The following EDA variants were observed in gnomAD, a reference collection of about 807,000 sequenced individuals.
The protein encoded by EDA is ectodysplasin A, also known as ectodysplasin-A.
In EDA, 2 loss-of-function variants were observed where a neutral mutation model predicts 23.6. The observed-to-expected ratio is 0.08, with a 90% confidence interval of 0.03 to 0.27. The LOEUF is 0.27. Ranked by LOEUF, EDA falls within the 10% of genes least tolerant of loss-of-function variation. The pLI, the probability that EDA is intolerant of heterozygous loss-of-function variation, is 1.00. For synonymous variants in EDA, 131 were observed against 132.0 expected, an observed-to-expected ratio of 0.99 and a Z score of 0.05; for missense variants, 229 against 324.2, an observed-to-expected ratio of 0.71 and a Z score of 2.26.
chrX:69,674,027 C>G (rs1933995620), intron 1 of EDA, among the ~76,000 whole-genome samples: 1 of 111,667 alleles, frequency 9.0e-6, no homozygotes, highest in African/African-American at 3.3e-5. Context: ...TCTTCCTTTC[C>G]TTGCTATAAA....
chrX:69,677,354 T>A (rs866781870), intron 1 of EDA, among the ~76,000 whole-genome samples: 5 of 111,112 alleles, frequency 4.5e-5, no homozygotes, highest in African/African-American at 1.6e-4. Context: ...AGTAATGGGA[T>A]GGCTGGTTCA....
At chrX:69,821,702 G>A (rs1259466176) in intron 1 of EDA, among the ~76,000 whole-genome samples, 2 of 112,037 alleles carry the variant, frequency 1.8e-5, no homozygotes, top group African/African-American at 6.5e-5. Context: ...AGTCAGATAT[G>A]CCAGCAAGTG....
intron 1 of EDA, among the ~76,000 whole-genome samples, chrX:69,706,442 G>T (rs1047392868): frequency 2.7e-5 from 3 of 111,822 alleles, no homozygotes; most frequent in African/African-American, 9.8e-5. Flanking sequence ...TTTTTGAAAA[G>T]ATTTTTTCTG....
chrX:70,006,052 T>C (rs1193901809), intron 2 of EDA, among the ~76,000 whole-genome samples: 3 of 112,469 alleles, frequency 2.7e-5, no homozygotes, highest in African/African-American at 9.7e-5. Flanking sequence ...ATTGATAGCT[T>C]ATTTATTTTT....
chrX:69,783,832 G>C (rs746911587), intron 1 of EDA, among the ~76,000 whole-genome samples: 5 of 104,933 alleles, frequency 4.8e-5, no homozygotes, highest in South Asian at 4.4e-4. Flanking sequence ...GGGTCAAATG[G>C]TATTTCTAGT....
At chrX:69,819,992 C>A (rs752607185) in intron 1 of EDA, among the ~76,000 whole-genome samples, 11 of 110,115 alleles carry the variant, frequency 1.0e-4, no homozygotes, top group Non-Finnish European at 2.1e-4. Context: ...GACTTCAAAC[C>A]GTGCTACAAG....
intron 1 of EDA, among the ~76,000 whole-genome samples, chrX:69,754,701 A>G (rs1440260119): frequency 1.8e-5 from 2 of 111,719 alleles, no homozygotes; most frequent in African/African-American, 6.5e-5. Flanking sequence ...AGGTACAGCA[A>G]TCAGTCATAG....
At chrX:69,837,021 A>C (rs761027935) in intron 1 of EDA, among the ~76,000 whole-genome samples, 2 of 112,265 alleles carry the variant, frequency 1.8e-5, no homozygotes, top group East Asian at 5.6e-4. Flanking sequence ...TTAATTTTTA[A>C]AAAATTTTTT....
chrX:69,758,036 C>T (rs185383651), intron 1 of EDA, among the ~76,000 whole-genome samples: 13 of 112,052 alleles, frequency 1.2e-4, no homozygotes, highest in African/African-American at 3.9e-4. Flanking sequence ...ATTTTTATTG[C>T]GTATCACTCA....
At chrX:69,889,022 T>TATATATATATA (rs2017882922) in intron 1 of EDA, among the ~76,000 whole-genome samples, 1 of 27,668 alleles carries the variant, frequency 3.6e-5, no homozygotes, top group Admixed American at 5.6e-4. Context: ...ATATATATAT[T>TATATATATATA]ATGTTTTTCC....
chrX:69,988,279 G>A (rs2019533921), intron 2 of EDA, among the ~76,000 whole-genome samples: 2 of 112,054 alleles, frequency 1.8e-5, no homozygotes, highest in African/African-American at 6.5e-5. Flanking sequence ...TGAGAGGAGA[G>A]TGGGGATGGT....
intron 1 of EDA, among the ~76,000 whole-genome samples, chrX:69,885,146 T>G (rs982130010): frequency 1.2e-4 from 14 of 112,410 alleles, no homozygotes; most frequent in African/African-American, 4.2e-4. Flanking sequence ...TTCATATCTT[T>G]TGCCCAATTT....
rs781388622 is a variant in EDA, at chrX:69,829,134, C to G, written c.397-127893C>G. Among the ~76,000 whole-genome samples the G allele has an allele frequency of 3.6e-5, 4 of 112,509 alleles. No individual in the cohort carries two copies. In the South Asian group the frequency reaches 1.5e-3, roughly 41 times the overall value. Reference sequence around the variant, plus strand: ...GTTTGCTTTTTTCCGTCTTTCCTCACTTAGACGTAAGCCCCATGAGGTCAT... The same window carrying G: ...GTTTGCTTTTTTCCGTCTTTCCTCAGTTAGACGTAAGCCCCATGAGGTCAT... On this transcript the variant is annotated intron_variant, in intron 1 of 7. Transcript: ENST00000374552.
At chrX:69,628,998 A>G (rs17216260) in intron 1 of EDA, among the ~76,000 whole-genome samples, 2,055 of 111,225 alleles carry the variant, frequency 0.018, 35 homozygotes, top group Middle Eastern at 0.037. Context: ...TATATACCTC[A>G]GCTAGATTAT....
intron 1 of EDA, among the ~76,000 whole-genome samples, chrX:69,928,152 C>G (rs183693811): frequency 9.0e-6 from 1 of 110,971 alleles, no homozygotes; most frequent in Non-Finnish European, 1.9e-5. Flanking sequence ...GTCTAGGATA[C>G]CCCTTCAGTT....
intron 1 of EDA, among the ~76,000 whole-genome samples, chrX:69,775,647 C>A (rs780568149): frequency 1.8e-5 from 2 of 111,555 alleles, no homozygotes; most frequent in Non-Finnish European, 3.8e-5. Context: ...TAAATACTCA[C>A]CTAATTGGTA....
chrX:69,870,970 C>T (rs933062938), intron 1 of EDA, among the ~76,000 whole-genome samples: 1 of 111,493 alleles, frequency 9.0e-6, no homozygotes, highest in African/African-American at 3.3e-5. Flanking sequence ...ACTTTTTCCA[C>T]TGAACTTAGG....
intron 1 of EDA, among the ~76,000 whole-genome samples, chrX:69,706,173 A>G (rs994474284): frequency 2.1e-4 from 23 of 111,848 alleles, no homozygotes; most frequent in Non-Finnish European, 3.8e-4. Context: ...AAGTTTTTAA[A>G]TTAGATTACT....
intron 1 of EDA, among the ~76,000 whole-genome samples, chrX:69,721,993 T>G (rs1399875147): frequency 1.8e-5 from 2 of 111,240 alleles, no homozygotes; most frequent in African/African-American, 6.5e-5. Flanking sequence ...CAAGACTACA[T>G]TTGCCTCTCT....
Sources: allele counts gnomAD v4.1 joint callset (sites outside exome capture counted in the v4.1 genomes callset), GRCh38; gene constraint gnomAD v4.1.1; transcripts MANE v1.5; gene names NCBI Gene and HGNC (gene_info 2026-07-23, HGNC 2026-07-21).